The following SLC36A1 variants were observed in gnomAD, a reference collection of about 807,000 sequenced individuals.
The protein encoded by SLC36A1 is proton-coupled amino acid transporter 1.
A neutral mutation model predicts 47.5 loss-of-function variants in SLC36A1; 30 were observed. That is an observed-to-expected ratio of 0.63 (90% CI 0.47 to 0.86). The LOEUF (loss-of-function observed/expected upper bound fraction) is 0.86. Among genes scored for constraint, SLC36A1 ranks in the 40% least tolerant of loss-of-function variants. The pLI is 0.00. For synonymous variants in SLC36A1, 255 were observed against 249.7 expected (o/e 1.02, Z -0.20); for missense variants, 517 against 606.0 (o/e 0.85, Z 1.54).
the SLC36A1 span, among the ~76,000 whole-genome samples, chr5:151,537,317 AAG>A: frequency 1.2e-4 from 11 of 93,288 alleles, no homozygotes; most frequent in East Asian, 3.1e-4. Flanking sequence ...AAGAAAAAGA[AAG>A]AGAAAAAAAG....
chr5:151,482,077 A>G (rs1307711032), intron 10 of SLC36A1, among the ~76,000 whole-genome samples: 1 of 152,226 alleles, frequency 6.6e-6, no homozygotes, highest in Non-Finnish European at 1.5e-5. Context: ...ATTACCTAAA[A>G]TCGCATCATC....
the SLC36A1 span, chr5:151,545,656 A>G: frequency 1.9e-6 from 3 of 1,614,076 alleles, no homozygotes; most frequent in Middle Eastern, 1.6e-4. Context: ...CTCTGATACA[A>G]TGGTTAGGGT....
chr5:151,442,128 T>G (rs574868288), intron 1 of SLC36A1, among the ~76,000 whole-genome samples: 85 of 152,322 alleles, frequency 5.6e-4, no homozygotes, highest in African/African-American at 1.9e-3. Context: ...ATTTTTTGGT[T>G]GAGAACATAA....
At chr5:151,416,061 G>A in the SLC36A1 span, among the ~76,000 whole-genome samples, 804 of 152,254 alleles carry the variant, frequency 5.3e-3, 3 homozygotes, top group African/African-American at 0.018. Context: ...AGCTGAGATC[G>A]TGCCACTGCA....
At chr5:151,416,036 G>C in the SLC36A1 span, among the ~76,000 whole-genome samples, 1 of 152,220 alleles carries the variant, frequency 6.6e-6, no homozygotes, top group Non-Finnish European at 1.5e-5. Context: ...AGCCCAGGAG[G>C]CGGAGGTTGC....
upstream of SLC36A1, among the ~76,000 whole-genome samples, chr5:151,446,315 T>C (rs1276073802): frequency 2.0e-5 from 3 of 152,204 alleles, no homozygotes; most frequent in Non-Finnish European, 4.4e-5. Flanking sequence ...GCAGATCACC[T>C]GAGGTCAGGA....
At chr5:151,460,546 C>T (rs1454005513) in intron 2 of SLC36A1, among the ~76,000 whole-genome samples, 1 of 152,032 alleles carries the variant, frequency 6.6e-6, no homozygotes, top group Non-Finnish European at 1.5e-5. Flanking sequence ...GTGTAGGTGA[C>T]CAGGGAAGCC....
chr5:151,492,397 C>CTTTTTTTTT (rs57840381), downstream of SLC36A1: 1 of 145,226 alleles, frequency 6.9e-6, no homozygotes. Flanking sequence ...CTATCTGTGT[C>CTTTTTTTTT]TTTTTTTTTT....
the SLC36A1 span, among the ~76,000 whole-genome samples, chr5:151,555,367 C>CT: frequency 0.033 from 4,091 of 123,108 alleles, 166 homozygotes; most frequent in African/African-American, 0.07. Context: ...TAATATATTT[C>CT]TTTTTTTTTT....
chr5:151,388,783 C>T, the SLC36A1 span, among the ~76,000 whole-genome samples: 2 of 152,060 alleles, frequency 1.3e-5, no homozygotes, highest in Non-Finnish European at 2.9e-5. Flanking sequence ...TTTAGGGGAC[C>T]TGAAATAACT....
chr5:151,497,122 T>C (rs1302780042), downstream of SLC36A1, among the ~76,000 whole-genome samples: 1 of 152,198 alleles, frequency 6.6e-6, no homozygotes, highest in African/African-American at 2.4e-5. Flanking sequence ...CTTTCTTTTT[T>C]GTCATATTGC....
chr5:151,535,609 G>C, the SLC36A1 span, among the ~76,000 whole-genome samples: 1 of 152,176 alleles, frequency 6.6e-6, no homozygotes, highest in African/African-American at 2.4e-5. Flanking sequence ...GTAAACACAA[G>C]TGTTTTTCTG....
the SLC36A1 span, among the ~76,000 whole-genome samples, chr5:151,367,727 AT>A: frequency 6.6e-6 from 1 of 152,200 alleles, no homozygotes; most frequent in Admixed American, 6.5e-5. Context: ...TAAAAGTATT[AT>A]TTGAGAACTG....
the SLC36A1 span, chr5:151,510,409 G>A: frequency 2.1e-6 from 1 of 471,942 alleles, no homozygotes; most frequent in Non-Finnish European, 3.9e-6. Flanking sequence ...CTAAAGAACA[G>A]TAATAAACAG....
At chr5:151,546,051 A>C in the SLC36A1 span, 2 of 1,614,198 alleles carry the variant, frequency 1.2e-6, no homozygotes, top group Admixed American at 1.7e-5. Flanking sequence ...CTCTTAACTC[A>C]TAGGTAACTT....
chr5:151,397,370 T>C, the SLC36A1 span, among the ~76,000 whole-genome samples: 5 of 152,324 alleles, frequency 3.3e-5, no homozygotes, highest in Admixed American at 3.3e-4. Context: ...ACGTGAGTGC[T>C]TTTGGAAAGT....
chr5:151,444,693 C>T (rs140629148), upstream of SLC36A1, among the ~76,000 whole-genome samples: 6 of 152,278 alleles, frequency 3.9e-5, no homozygotes, highest in South Asian at 6.2e-4. Flanking sequence ...ACCATGTTGG[C>T]CAAGCTAGTC....
intron 10 of SLC36A1, chr5:151,479,866 C>T: frequency 1.9e-6 from 1 of 520,884 alleles, no homozygotes. Flanking sequence ...TACTTATTTG[C>T]TTTTTCAAAT....
the SLC36A1 span, among the ~76,000 whole-genome samples, chr5:151,388,501 C>CA: frequency 9.6e-4 from 87 of 90,756 alleles, 11 homozygotes; most frequent in Middle Eastern, 6.1e-3. Flanking sequence ...AACTCCATCT[C>CA]AAAAGAAAAA....
Sources: allele counts gnomAD v4.1 joint callset (sites outside exome capture counted in the v4.1 genomes callset), GRCh38; gene constraint gnomAD v4.1.1; transcripts MANE v1.5; gene names NCBI Gene and HGNC (gene_info 2026-07-23, HGNC 2026-07-21).